Variants in ABLIM3 observed in about 807,000 individuals in gnomAD.
The protein encoded by ABLIM3 is actin binding LIM protein family member 3, also known as actin-binding LIM protein 3.
In ABLIM3, 61 loss-of-function variants were observed where a neutral mutation model predicts 109.5. The ratio of observed to expected loss-of-function variants is 0.56; its 90% confidence interval spans 0.45 to 0.69. ABLIM3 has a LOEUF of 0.69. Among genes scored for constraint, ABLIM3 ranks in the 30% least tolerant of loss-of-function variants. ABLIM3 has a pLI of 0.00. For synonymous variants in ABLIM3, 300 were observed against 324.8 expected (o/e 0.92, Z 0.82); for missense variants, 796 against 889.5 (o/e 0.89, Z 1.34).
At chr5:149,144,104 T>C (rs1752717281) in intron 2 of ABLIM3, among the ~76,000 whole-genome samples, 1 of 152,110 alleles carries the variant, frequency 6.6e-6, no homozygotes, top group Non-Finnish European at 1.5e-5. Context: ...AAAGAATCAA[T>C]AGAGTTGGAT....
In ABLIM3 at chr5:149,258,494, G is replaced by A; in HGVS notation, c.*90G>A. The A allele has an allele frequency of 7.0e-7, 1 of 1,436,928 alleles. No individual in the cohort carries two copies. The highest frequency in any genetic ancestry group is 2.6e-5 in the Admixed American group (1 of 38,210). The allele number at this position is 1,436,928 out of a possible 1,614,324, so 89.0% of individuals were successfully genotyped here. The stretch of plus-strand genomic sequence containing the variant: ...TCGGTATAATCCTCTCTTGTGTAAT[G>A]GGACACACTGCCTGCCATGAGACTT... On this transcript the variant is annotated 3_prime_UTR_variant, in exon 24 of 24. Transcript: ENST00000309868.
chr5:149,258,406 C>T lies in ABLIM3; in HGVS notation c.*2C>T, dbSNP rs1248950109. ...AAGAAGCAAGCCCGGCTGTTCTAGGCAGAGGCTCTATAAATATATATGCAT... is the reference window on the plus strand; with the variant it reads ...AAGAAGCAAGCCCGGCTGTTCTAGGTAGAGGCTCTATAAATATATATGCAT... On this transcript the variant is annotated 3_prime_UTR_variant, in exon 24 of 24. Transcript: ENST00000309868. The T allele has an allele frequency of 5.6e-6, 9 of 1,613,184 alleles. No individual in the cohort carries two copies. The highest frequency in any genetic ancestry group is 4.2e-6 in the Non-Finnish European group (5 of 1,179,822).
chr5:149,247,857 A>G lies in ABLIM3; in HGVS notation c.1627A>G (p.Thr543Ala), dbSNP rs567315993. The stretch of plus-strand genomic sequence containing the variant: ...GTCGAGCTCCTATGCAGATCCCTGG[A>G]CCCCTCCCCGGAGCTCCACCAGCAG... Reference protein sequence around the residue: ...ARSSSYADPWTPPRSSTSSRE... With the variant: ...ARSSSYADPWAPPRSSTSSRE... The change falls in exon 18 of 24, where the codon ACC (threonine) becomes GCC (alanine). Residue 543 changes from threonine (T) to alanine (A), a missense_variant. Transcript: ENST00000309868. 22 of 1,614,090 alleles carry G rather than the reference A, an allele frequency of 1.4e-5. No individual in the cohort carries two copies. The Admixed American group carries it at 3.5e-4, about 26-fold the overall frequency.
At position 149,149,406 on chromosome 5, in the gene ABLIM3, G is replaced by A. The variant is rs555546923; in HGVS notation, c.13+7298G>A. 2.6e-5 allele frequency among the ~76,000 whole-genome samples: 4 copies of A among 152,322 alleles called. No homozygotes were observed. In the South Asian group the frequency reaches 8.3e-4, roughly 32 times the overall value. On this transcript the variant is annotated intron_variant, in intron 2 of 23. Transcript: ENST00000309868. ...AGTAAAGCAAAGTTCTGGAAAGATG[G>A]TGTCATTAAAACTAAATCCTCTGAT...
chr5:149,232,380 C>A (rs1202260707), intron 9 of ABLIM3, among the ~76,000 whole-genome samples: 1 of 152,176 alleles, frequency 6.6e-6, no homozygotes, highest in African/African-American at 2.4e-5. Context: ...ACTGAGACGG[C>A]CTCCTTGATC....
In ABLIM3 at chr5:149,195,624, A is replaced by G. The variant is rs564125016; in HGVS notation, c.152-2595A>G. Among the ~76,000 whole-genome samples the G allele has an allele frequency of 8.8e-5, 13 of 148,528 alleles. No individual in the cohort carries two copies. In the East Asian group the frequency reaches 2.3e-3, roughly 27 times the overall value. ...AGTTGGCAAAGGAGACAAAGGAGAG[A>G]AAAAAAAAAGGGAAAAAACCGGAGC... On this transcript the variant is annotated intron_variant, in intron 3 of 23. Transcript: ENST00000309868.
intron 2 of ABLIM3, among the ~76,000 whole-genome samples, chr5:149,174,286 A>T (rs893489252): frequency 6.6e-6 from 1 of 151,744 alleles, no homozygotes; most frequent in Non-Finnish European, 1.5e-5. Flanking sequence ...AAAAAAAAAA[A>T]GTTTGGAAAC....
chr5:149,229,154 A>G (rs903209323), intron 8 of ABLIM3, among the ~76,000 whole-genome samples: 3 of 152,228 alleles, frequency 2.0e-5, no homozygotes. Context: ...TCCCTAAAGT[A>G]AGAATCCCAA....
At chr5:149,233,676 G>A (rs1001449001) in intron 10 of ABLIM3, among the ~76,000 whole-genome samples, 5 of 152,216 alleles carry the variant, frequency 3.3e-5, no homozygotes, top group African/African-American at 1.2e-4. Context: ...TTCTGAATAG[G>A]TATTAGGTGG....
At chr5:149,215,225 AG>A (rs1364355016) in intron 7 of ABLIM3, among the ~76,000 whole-genome samples, 1 of 152,204 alleles carries the variant, frequency 6.6e-6, no homozygotes, top group East Asian at 1.9e-4. Context: ...GAGTAGGAAG[AG>A]GCTGCTAATT....
Position 149,242,500 on chromosome 5 carries a change from G to GT in ABLIM3, c.1314dup (p.Asn439Ter). The GT allele has an allele frequency of 6.2e-7, 1 of 1,614,116 alleles. No homozygotes were observed. On this transcript the variant is annotated frameshift_variant, in exon 15 of 24. Transcript: ENST00000309868. LOFTEE classifies it high-confidence loss of function. ...CTGGTCTGTCTGGCAGCTGGAGACA[G>GT]TAACATCTACCGGAAACCCCCGATC...
intron 9 of ABLIM3, among the ~76,000 whole-genome samples, chr5:149,232,357 G>A (rs1359594260): frequency 6.6e-6 from 1 of 152,160 alleles, no homozygotes; most frequent in Non-Finnish European, 1.5e-5. Flanking sequence ...TTGTTGAAAA[G>A]AATTAGCACC....
intron 2 of ABLIM3, among the ~76,000 whole-genome samples, chr5:149,155,450 T>G (rs1249722404): frequency 6.6e-6 from 1 of 152,152 alleles, no homozygotes; most frequent in Non-Finnish European, 1.5e-5. Flanking sequence ...ATGACTGTGA[T>G]GTGAGATAAA....
intron 20 of ABLIM3, among the ~76,000 whole-genome samples, chr5:149,250,903 G>T (rs538544837): frequency 2.0e-5 from 3 of 152,166 alleles, no homozygotes; most frequent in Non-Finnish European, 4.4e-5. Flanking sequence ...CAGGATTCAA[G>T]CCCAGGCCAG....
rs182234990 is a variant in ABLIM3 at position 149,242,382 on chromosome 5, C to A, written c.1304-109C>A. 59 of 1,114,260 alleles carry A rather than the reference C, an allele frequency of 5.3e-5. No homozygotes were observed. The East Asian group carries it at 1.3e-3, about 25-fold the overall frequency. 69.0% of individuals were successfully genotyped at this position (1,114,260 alleles called of 1,614,324 possible). ...GGTGGCCCCTTGGAAAAAGTTGTTG[C>A]CCATCTCTCTCTTCTGAGATCAACT... On this transcript the variant is annotated intron_variant, in intron 14 of 23. Coordinates refer to ENST00000309868, the MANE Select transcript of ABLIM3 (RefSeq NM_014945.5).
chr5:149,251,951 T>C (rs931111041), intron 21 of ABLIM3, among the ~76,000 whole-genome samples: 2 of 152,200 alleles, frequency 1.3e-5, no homozygotes, highest in African/African-American at 2.4e-5. Context: ...TCTAAATATC[T>C]CTAAGGCCAT....
chr5:149,252,230 T>C (rs1292952532), intron 22 of ABLIM3, 22 bp downstream of exon 22: 2 of 1,611,522 alleles, frequency 1.2e-6, no homozygotes, highest in Admixed American at 1.7e-5. Flanking sequence ...GCATAGACCC[T>C]GGGGGTCTCC....
chr5:149,147,315 G>C (rs149902879), intron 2 of ABLIM3, among the ~76,000 whole-genome samples: 1 of 152,206 alleles, frequency 6.6e-6, no homozygotes, highest in African/African-American at 2.4e-5. Flanking sequence ...CATATCTTTT[G>C]AGATAATCAT....
chr5:149,177,364 A>T lies in ABLIM3; in HGVS notation c.14-6088A>T, dbSNP rs139654591. The stretch of plus-strand genomic sequence containing the variant: ...TATCAGAGTTTTCAGAAAACATATC[A>T]CTCACTTATTTTAAGTAAGCACACA... On this transcript the variant is annotated intron_variant, in intron 2 of 23. Transcript: ENST00000309868. 2.9e-4 allele frequency among the ~76,000 whole-genome samples: 44 copies of T among 152,230 alleles called. No individual in the cohort carries two copies. The South Asian group carries it at 3.7e-3, about 13-fold the overall frequency.
Sources: gnomAD v4.1 joint callset for allele counts (sites outside exome capture counted in the v4.1 genomes callset) on GRCh38, gnomAD v4.1.1 for gene constraint, MANE v1.5 for transcripts, NCBI Gene and HGNC (gene_info 2026-07-23, HGNC 2026-07-21) for gene names.